CELSR3: variants seen among roughly 807,000 people sequenced by gnomAD.
CELSR3 encodes the protein EGF-like protein 1.
CELSR3 carries 73 observed loss-of-function variants against 270.0 expected under a neutral mutation model. That is an observed-to-expected ratio of 0.27 (90% CI 0.22 to 0.33). The LOEUF (loss-of-function observed/expected upper bound fraction) is 0.33, where lower values mean the gene tolerates loss of function less well. CELSR3 is among the 10% of genes least tolerant of loss of function. The pLI is 1.00. For missense variants in CELSR3, 3,614 were observed against 4,533.8 expected (o/e 0.80, Z 5.83); for synonymous variants, 1,780 against 1,905.4 (o/e 0.93, Z 1.71).
chr3:48,653,137 AGCACG>A lies in CELSR3; in HGVS notation c.5494_5498del (p.Arg1832PhefsTer12). On this transcript the variant is annotated frameshift_variant, in exon 10 of 35. Coordinates refer to ENST00000164024, the MANE Select transcript of CELSR3 (RefSeq NM_001407.3). LOFTEE classifies it high-confidence loss of function. The surrounding 1 kb of genome is among the most constrained non-coding windows in gnomAD (Gnocchi z 6.5). ...TCACCTGGTCCAGAAGGAGATGGGAAGCACGGCCCGAGCCCCTGGTCACTGTCACA... is the reference window on the plus strand; with the variant it reads ...TCACCTGGTCCAGAAGGAGATGGGAAGCCCGAGCCCCTGGTCACTGTCACA... The A allele has an allele frequency of 6.2e-7, 1 of 1,613,354 alleles. No homozygotes were observed. Among genetic ancestry groups the A allele is most frequent in the Non-Finnish European group, 8.5e-7 (1 of 1,180,018 alleles).
Position 48,651,320 on chromosome 3 carries a change from C to A in CELSR3, c.6186+39G>T. ...CAAGCTGGACAGGAATTGCAGATTG[C>A]GTCCAAGGAAGGGTTAAAAGGTCAG... is the stretch of plus-strand genomic sequence containing the variant. On this transcript the variant is annotated intron_variant, in intron 14 of 34. Transcript: ENST00000164024. This position sits in a 1 kb window ranked among gnomAD's most constrained non-coding sequence, Gnocchi z 7.4. 1 of 1,609,372 alleles carries A rather than the reference C, an allele frequency of 6.2e-7. No individual in the cohort carries two copies. Among genetic ancestry groups the A allele is most frequent in the Non-Finnish European group, 8.5e-7 (1 of 1,176,552 alleles).
chr3:48,651,164 C>T lies in CELSR3; in HGVS notation c.6187-89G>A. On this transcript the variant is annotated intron_variant, in intron 14 of 34. Transcript: ENST00000164024. The surrounding 1 kb of genome is among the most constrained non-coding windows in gnomAD (Gnocchi z 7.4). The stretch of plus-strand genomic sequence containing the variant: ...AGGATAAAGGGTCAAGAGAACAGTG[C>T]TCATGGGCCAGAGGACACCTGGGTC... 2.0e-6 allele frequency: 3 copies of T among 1,465,856 alleles called. No homozygotes were observed. Among genetic ancestry groups the T allele is most frequent in the Non-Finnish European group, 1.9e-6 (2 of 1,079,760 alleles). The allele number at this position is 1,465,856 out of a possible 1,614,324, so 90.8% of individuals were successfully genotyped here.
At position 48,661,506 on chromosome 3, in the gene CELSR3, T is replaced by C. The variant is rs2077065883; in HGVS notation, c.1129A>G (p.Ser377Gly). Residue 377 changes from serine (S) to glycine (G), a missense_variant, in exon 1 of 35, where the codon AGC becomes GGC. This residue lies in a region of CELSR3 where 354 missense variants were observed against 500.9 expected (regional missense o/e 0.71). Coordinates refer to ENST00000164024, the MANE Select transcript of CELSR3 (RefSeq NM_001407.3). ...LMNSRSLELF[S>G]IDPQSGLIRT... is the part of the protein sequence containing the mutation. The stretch of plus-strand genomic sequence containing the variant: ...ATAAGGCCGCTCTGCGGGTCGATGC[T>C]GAACAGCTCCAGCGAGCGGCTGTTC... The C allele has an allele frequency of 6.2e-7, 1 of 1,604,756 alleles. No homozygotes were observed. Among genetic ancestry groups the C allele is most frequent in the Non-Finnish European group, 8.5e-7 (1 of 1,176,356 alleles).
chr3:48,655,447 C>CCAT lies in CELSR3; in HGVS notation c.4742-54_4742-53insATG, dbSNP rs1285068875. The CCAT allele has an allele frequency of 6.4e-7, 1 of 1,574,088 alleles. No homozygotes were observed. Among genetic ancestry groups the CCAT allele is most frequent in the East Asian group, 2.2e-5 (1 of 44,656 alleles). On this transcript the variant is annotated intron_variant, in intron 4 of 34. Transcript: ENST00000164024. The surrounding 1 kb of genome is among the most constrained non-coding windows in gnomAD (Gnocchi z 5.8). ...CAGGAGCAGCGGAGTCGCCCCATCC[C>CCAT]ACCCGTCATATAAGCACAACCATTC...
rs978057547 is a variant in CELSR3, at chr3:48,660,938, C to G, written c.1697G>C (p.Arg566Pro). 6.2e-7 allele frequency: 1 copy of G among 1,613,784 alleles called. No homozygotes were observed. Among genetic ancestry groups the G allele is most frequent in the Non-Finnish European group, 8.5e-7 (1 of 1,180,032 alleles). Reference protein sequence around the residue: ...EDVRPHTVVLRVTATDRDKDA... With the variant: ...EDVRPHTVVLPVTATDRDKDA... Reference sequence around the variant, plus strand: ...CTTGTCCCGGTCAGTGGCCGTGACGCGCAGCACGACTGTGTGGGGGCGCAC... The same window carrying G: ...CTTGTCCCGGTCAGTGGCCGTGACGGGCAGCACGACTGTGTGGGGGCGCAC... The change falls in exon 1 of 35, where the codon CGC becomes CCC. Residue 566 changes from arginine (R) to proline (P), a missense_variant. By Grantham distance (103) the Arg-to-Pro change is moderately radical (BLOSUM62 -2). This residue lies in a region of CELSR3 where 354 missense variants were observed against 500.9 expected (regional missense o/e 0.71). Transcript: ENST00000164024. The surrounding 1 kb of genome is among the most constrained non-coding windows in gnomAD (Gnocchi z 5.5).
rs372657419 is a variant in CELSR3, at chr3:48,642,959, C to T, written c.8406+8G>A. On this transcript the variant is annotated splice_region_variant and intron_variant, in intron 29 of 34. Transcript: ENST00000164024. This position sits in a 1 kb window ranked among gnomAD's most constrained non-coding sequence, Gnocchi z 6.1. ...CTCTGGCTTCTCAGGGCCCCCATCC[C>T]GACTCACCAGCCCAGGTGCTGGCCT... 3.2e-5 allele frequency: 52 copies of T among 1,611,140 alleles called. No individual in the cohort carries two copies. In the African/African-American group the frequency reaches 3.6e-4, roughly 11 times the overall value.
In CELSR3 at chr3:48,651,628, C is replaced by A. The variant is rs2047138078; in HGVS notation, c.6014G>T (p.Gly2005Val). The A allele has an allele frequency of 6.3e-7, 1 of 1,591,522 alleles. No individual in the cohort carries two copies. The highest frequency in any genetic ancestry group is 1.8e-5 in the Admixed American group (1 of 56,950). ...SCRHLPGAPH[G>V]YTCDCVGGYF... Reference sequence around the variant, plus strand: ...GCCACCCACACAGTCACAGGTATAGCCATGGGGGGCTCCTGGCAGGTGCCG... The same window carrying A: ...GCCACCCACACAGTCACAGGTATAGACATGGGGGGCTCCTGGCAGGTGCCG... Residue 2005 changes from glycine (G) to valine (V), a missense_variant, in exon 13 of 35, where the codon GGC becomes GTC. Around this residue, in one of 7 missense-constraint regions of CELSR3, gnomAD observed 1,331 missense variants for 1,933.7 expected, o/e 0.69. Coordinates refer to ENST00000164024, the MANE Select transcript of CELSR3 (RefSeq NM_001407.3). This position sits in a 1 kb window ranked among gnomAD's most constrained non-coding sequence, Gnocchi z 7.4.
Position 48,648,040 on chromosome 3 carries a change from C to T in CELSR3, c.6974-44G>A, listed in dbSNP as rs73830469. 132 of 1,604,716 alleles carry T rather than the reference C, an allele frequency of 8.2e-5. No individual in the cohort carries two copies. The African/African-American group carries it at 1.5e-3, about 19-fold the overall frequency. On this transcript the variant is annotated intron_variant, in intron 19 of 34. Transcript: ENST00000164024. ...GGGGAGGCCCATCATGGACCTCTTC[C>T]CCCTGCCAAGGGTTCTACTCCCTCT...
In CELSR3 at chr3:48,648,849, G is replaced by A. The variant is rs1008035225; in HGVS notation, c.6647C>T (p.Thr2216Ile). ...KKLAQRLREVTGHTDHYFSQD... is the reference protein window; with the variant it reads ...KKLAQRLREVIGHTDHYFSQD... ...GCTAAAATAGTGGTCAGTGTGGCCAGTCACCTCCCGTAGCCGCTGAGCCAG... is the reference window on the plus strand; with the variant it reads ...GCTAAAATAGTGGTCAGTGTGGCCAATCACCTCCCGTAGCCGCTGAGCCAG... Residue 2216 changes from threonine (T) to isoleucine (I), a missense_variant, in exon 18 of 35, where the codon ACT (threonine) becomes ATT (isoleucine). By Grantham distance (89) the Thr-to-Ile change is moderately conservative. Transcript: ENST00000164024. 3.7e-6 allele frequency: 6 copies of A among 1,612,932 alleles called. No homozygotes were observed. Among genetic ancestry groups the A allele is most frequent in the Non-Finnish European group, 5.1e-6 (6 of 1,180,016 alleles).
Position 48,651,962 on chromosome 3 carries a change from C to T in CELSR3, c.5838G>A (p.Val1946=). The T allele has an allele frequency of 6.2e-7, 1 of 1,607,758 alleles. No individual in the cohort carries two copies. The highest frequency in any genetic ancestry group is 1.1e-5 in the South Asian group (1 of 90,256). ...AGGGCCCAGAGGCACAGGCGTTGGT[C>T]ACAACACAGCCAGGCTCCGCATTCA... ...HRVNAEPGCV[V]TNACASGPCP... is the part of the protein sequence containing the mutation. The change falls in exon 12 of 35, where the codon GTG becomes GTA. Residue 1946 remains valine (V), a synonymous_variant. Transcript: ENST00000164024. The surrounding 1 kb of genome is among the most constrained non-coding windows in gnomAD (Gnocchi z 7.4).
At position 48,660,430 on chromosome 3, in the gene CELSR3, T is replaced by C; in HGVS notation, c.2205A>G (p.Pro735=). ...CGGTGACACTGGCTGAGGCAGAGAG[T>C]GGGGGTGAGCCATGGTCTCGAGCCT... The part of the protein sequence containing the change: ...GVEARDHGSP[P]LSASASVTVT... Residue 735 remains proline (P), a synonymous_variant, in exon 1 of 35, where the codon CCA becomes CCG. Coordinates refer to ENST00000164024, the MANE Select transcript of CELSR3 (RefSeq NM_001407.3). The surrounding 1 kb of genome is among the most constrained non-coding windows in gnomAD (Gnocchi z 5.5). 1.2e-6 allele frequency: 2 copies of C among 1,613,512 alleles called. No individual in the cohort carries two copies. The highest frequency in any genetic ancestry group is 1.7e-6 in the Non-Finnish European group (2 of 1,179,926).
At position 48,644,818 on chromosome 3, in the gene CELSR3, C is replaced by T. The variant is rs1379935491; in HGVS notation, c.7983G>A (p.Val2661=). 5 of 1,612,974 alleles carry T rather than the reference C, an allele frequency of 3.1e-6. No homozygotes were observed. Among genetic ancestry groups the T allele is most frequent in the East Asian group, 4.5e-5 (2 of 44,894 alleles). ...TCCCATAGCCCTCAGGGTCCAGGCC[C>T]ACAGCAAGGCCTTGGGAAGAGAAAG... is the stretch of plus-strand genomic sequence containing the variant. ...GVPAVLLGLA[V]GLDPEGYGNP... Residue 2661 remains valine, a synonymous_variant, in exon 26 of 35, where the codon GTG becomes GTA. Coordinates refer to ENST00000164024, the MANE Select transcript of CELSR3 (RefSeq NM_001407.3). The surrounding 1 kb of genome is among the most constrained non-coding windows in gnomAD (Gnocchi z 4.8).
rs1232404425 is a variant in CELSR3, at chr3:48,662,371, G to A, written c.264C>T (p.Leu88=). The A allele has an allele frequency of 1.9e-6, 3 of 1,612,812 alleles. No individual in the cohort carries two copies. Among genetic ancestry groups the A allele is most frequent in the Non-Finnish European group, 2.5e-6 (3 of 1,180,000 alleles). Residue 88 remains leucine (L), a synonymous_variant, in exon 1 of 35, where the codon CTC becomes CTT. Coordinates refer to ENST00000164024, the MANE Select transcript of CELSR3 (RefSeq NM_001407.3). The surrounding 1 kb of genome is among the most constrained non-coding windows in gnomAD (Gnocchi z 7.1). The part of the protein sequence containing the change: ...LGVREPIFVG[L]RGRRQSARNS... ...TCCGGGCGCTTTGCCTTCTCCCTCG[G>A]AGCCCCACGAAGATAGGCTCCCTGA...
Position 48,652,372 on chromosome 3 carries a change from A to G in CELSR3, c.5751+65T>C, listed in dbSNP as rs2047145247. On this transcript the variant is annotated intron_variant, in intron 11 of 34. Coordinates refer to ENST00000164024, the MANE Select transcript of CELSR3 (RefSeq NM_001407.3). The surrounding 1 kb of genome is among the most constrained non-coding windows in gnomAD (Gnocchi z 4.3). ...CTTGAATACTGCCTTTCAGGTCCCA[A>G]GGAGCCCCTGACTTCTGACCCCTGA... is the stretch of plus-strand genomic sequence containing the variant. 1 of 1,288,904 alleles carries G rather than the reference A, an allele frequency of 7.8e-7. No individual in the cohort carries two copies. Among genetic ancestry groups the G allele is most frequent in the Non-Finnish European group, 1.1e-6 (1 of 885,044 alleles). The allele number at this position is 1,288,904 out of a possible 1,614,324, so 79.8% of individuals were successfully genotyped here.
In CELSR3 at chr3:48,637,976, A is replaced by G; in HGVS notation, c.*229T>C. 2.0e-6 allele frequency: 1 copy of G among 493,828 alleles called. No individual in the cohort carries two copies. Among genetic ancestry groups the G allele is most frequent in the Non-Finnish European group, 3.7e-6 (1 of 272,570 alleles). 30.6% of individuals were successfully genotyped at this position (493,828 alleles called of 1,614,324 possible). A position where few individuals can be genotyped will look rare whatever the true frequency, so the allele number is the denominator to read the frequency against. ...AACATAAGCATCTCTCTGGTTACAA[A>G]GGTACAAAACGTATAAAAGTCTCCC... is the stretch of plus-strand genomic sequence containing the variant. On this transcript the variant is annotated 3_prime_UTR_variant, in exon 35 of 35. Coordinates refer to ENST00000164024, the MANE Select transcript of CELSR3 (RefSeq NM_001407.3).
rs1435802823 is a variant in CELSR3, at chr3:48,654,667, G to A, written c.4989-215C>T. On this transcript the variant is annotated intron_variant, in intron 6 of 34. Coordinates refer to ENST00000164024, the MANE Select transcript of CELSR3 (RefSeq NM_001407.3). This position sits in a 1 kb window ranked among gnomAD's most constrained non-coding sequence, Gnocchi z 5.4. ...TGGTCTGGGGAAAGGTAGGTGAATG[G>A]GGGTTGAGAGCTATGATGAAAGAAT... 6.6e-6 allele frequency among the ~76,000 whole-genome samples: 1 copy of A among 152,116 alleles called. No individual in the cohort carries two copies. The highest frequency in any genetic ancestry group is 2.4e-5 in the African/African-American group (1 of 41,408).
At position 48,653,536 on chromosome 3, in the gene CELSR3, G is replaced by T; in HGVS notation, c.5448+83C>A. 6.6e-7 allele frequency: 1 copy of T among 1,526,530 alleles called. No homozygotes were observed. Among genetic ancestry groups the T allele is most frequent in the South Asian group, 1.2e-5 (1 of 81,880 alleles). The allele number at this position is 1,526,530 out of a possible 1,614,324, so 94.6% of individuals were successfully genotyped here. ...CACCTGGCAGAAAAGTATGCTGTGT[G>T]ACCAACCTGAACCCACAAGAATGTC... On this transcript the variant is annotated intron_variant, in intron 9 of 34. Coordinates refer to ENST00000164024, the MANE Select transcript of CELSR3 (RefSeq NM_001407.3). This position sits in a 1 kb window ranked among gnomAD's most constrained non-coding sequence, Gnocchi z 6.5.
intron 17 of CELSR3, 37 bp downstream of exon 17, chr3:48,649,084 G>A: frequency 1.3e-6 from 2 of 1,588,102 alleles, no homozygotes; most frequent in East Asian, 4.5e-5. Flanking sequence ...GGCCAAGGAA[G>A]GTCTTAGGTT....
chr3:48,652,142 C>T lies in CELSR3; in HGVS notation c.5752-94G>A. 6.3e-6 allele frequency: 8 copies of T among 1,269,470 alleles called. No individual in the cohort carries two copies. The highest frequency in any genetic ancestry group is 8.4e-6 in the Non-Finnish European group (8 of 946,750). 78.6% of individuals were successfully genotyped at this position (1,269,470 alleles called of 1,614,324 possible). ...AGCCACCCGGTCTGATGATCCTTGA[C>T]ATGCAGTCTTCTGATACCCTCAAAA... On this transcript the variant is annotated intron_variant, in intron 11 of 34. Transcript: ENST00000164024. This position sits in a 1 kb window ranked among gnomAD's most constrained non-coding sequence, Gnocchi z 4.3.
Sources: gnomAD v4.1 joint callset for allele counts (sites outside exome capture counted in the v4.1 genomes callset) on GRCh38, gnomAD v4.1.1 for gene constraint, gnomAD v4.1.1 regional missense constraint, Gnocchi (gnomAD v3.1) non-coding constraint, MANE v1.5 for transcripts, NCBI Gene and HGNC (gene_info 2026-07-23, HGNC 2026-07-21) for gene names.